Variants in LARS2 observed in about 807,000 individuals in gnomAD.
The protein encoded by LARS2 is leucine--tRNA ligase, mitochondrial.
Under a neutral mutation model 116.6 loss-of-function variants are expected in LARS2, and 81 were observed. The observed-to-expected ratio is 0.69, with a 90% CI of 0.58 to 0.84. The LOEUF (loss-of-function observed/expected upper bound fraction) is 0.84. Ranked by LOEUF, LARS2 falls within the 40% of genes least tolerant of loss-of-function variation. LARS2 has a pLI of 0.00. For missense variants in LARS2, 968 were observed against 1,114.5 expected (o/e 0.87, Z 1.87); for synonymous variants, 396 against 407.2 (o/e 0.97, Z 0.33).
At chr3:45,452,438 T>G (rs1317739864) in intron 7 of LARS2, among the ~76,000 whole-genome samples, 1 of 152,130 alleles carries the variant, frequency 6.6e-6, no homozygotes, top group Non-Finnish European at 1.5e-5. Flanking sequence ...TTTTTTAGCA[T>G]CTATGGAAAT....
At chr3:45,462,220 GC>G (rs1193131249) in intron 8 of LARS2, among the ~76,000 whole-genome samples, 1 of 152,072 alleles carries the variant, frequency 6.6e-6, no homozygotes, top group African/African-American at 2.4e-5. Context: ...AGTTCTCTTG[GC>G]CCTTTCTTCC....
At chr3:45,408,674 T>G (rs1698274722) in intron 4 of LARS2, among the ~76,000 whole-genome samples, 8 of 152,224 alleles carry the variant, frequency 5.3e-5, no homozygotes, top group Admixed American at 4.6e-4. Flanking sequence ...CCAGCCTGTT[T>G]GAGCTTCTGC....
chr3:45,493,759 C>T (rs2125734650), intron 13 of LARS2, among the ~76,000 whole-genome samples: 1 of 152,158 alleles, frequency 6.6e-6, no homozygotes, highest in Middle Eastern at 3.4e-3. Context: ...CTGCTTGCCA[C>T]GTAGCTTCTT....
At position 45,446,886 on chromosome 3, in the gene LARS2, G is replaced by T; in HGVS notation, c.517-5G>T. 1 of 1,581,832 alleles carries T rather than the reference G, an allele frequency of 6.3e-7. No homozygotes were observed. The highest frequency in any genetic ancestry group is 8.7e-7 in the Non-Finnish European group (1 of 1,152,694). On this transcript the variant is annotated splice_region_variant and splice_polypyrimidine_tract_variant and intron_variant, in intron 6 of 21. Coordinates refer to ENST00000645846, the MANE Select transcript of LARS2 (RefSeq NM_015340.4). ...CTGTACATTATTTTTCTTCTTTGTT[G>T]GCAGGAAATAACTACGTGTTTGCCA...
At chr3:45,394,290 C>G in intron 2 of LARS2, 143 bp from the exon 3 acceptor site, 1 of 594,638 alleles carries the variant, frequency 1.7e-6, no homozygotes, top group Non-Finnish European at 3.0e-6. Context: ...AATTGAATTG[C>G]TAAAGTATTC....
chr3:45,417,433 G>A, intron 4 of LARS2, 49 bp from the exon 5 acceptor site: 1 of 1,345,422 alleles, frequency 7.4e-7, no homozygotes, highest in Non-Finnish European at 1.1e-6. Flanking sequence ...CAATACCAAT[G>A]GAGTTATTAA....
At chr3:45,511,300 G>T (rs546663462) in intron 15 of LARS2, among the ~76,000 whole-genome samples, 2 of 152,292 alleles carry the variant, frequency 1.3e-5, no homozygotes, top group South Asian at 4.1e-4. Flanking sequence ...CAGTTCTGGG[G>T]AAAGCCTCCC....
Position 45,431,867 on chromosome 3 carries a change from A to T in LARS2, c.516+12138A>T, listed in dbSNP as rs577754655. Among the ~76,000 whole-genome samples, 26 of 152,342 alleles carry T rather than the reference A, an allele frequency of 1.7e-4. No homozygotes were observed. In the East Asian group the frequency reaches 4.8e-3, roughly 28 times the overall value. ...CTCAAAATCTTCAGTCAAAAGACAG[A>T]TATTGGAAAAATGTATTAAAAAGCA... On this transcript the variant is annotated intron_variant, in intron 6 of 21. Transcript: ENST00000645846.
intron 7 of LARS2, among the ~76,000 whole-genome samples, chr3:45,447,959 A>G (rs2125704812): frequency 6.6e-6 from 1 of 152,308 alleles, no homozygotes; most frequent in Non-Finnish European, 1.5e-5. Flanking sequence ...TAGTATTTAA[A>G]AAGTCAGAGC....
chr3:45,517,240 C>T (rs1317905482), intron 17 of LARS2, among the ~76,000 whole-genome samples: 2 of 152,196 alleles, frequency 1.3e-5, no homozygotes, highest in East Asian at 1.9e-4. Context: ...CCAGAAGGTT[C>T]TGCTGTGCAT....
Position 45,516,241 on chromosome 3 carries a change from C to A in LARS2, c.2009C>A (p.Ala670Asp). 1 of 1,613,914 alleles carries A rather than the reference C, an allele frequency of 6.2e-7. No individual in the cohort carries two copies. Among genetic ancestry groups the A allele is most frequent in the Non-Finnish European group, 8.5e-7 (1 of 1,179,908 alleles). Residue 670 changes from alanine (A) to aspartate (D), a missense_variant, in exon 17 of 22, where the codon GCC becomes GAC. Ala to Asp is a moderately radical substitution (Grantham distance 126). Transcript: ENST00000645846. ...DTIRLYILFA[A>D]PPEKDILWDV... ...ATTCGGCTCTACATCCTTTTTGCTG[C>A]CCCTCCTGAGAAGGATATCTTGTGG...
chr3:45,536,967 G>A (rs1333048541), intron 20 of LARS2, among the ~76,000 whole-genome samples: 2 of 151,898 alleles, frequency 1.3e-5, no homozygotes, highest in Non-Finnish European at 2.9e-5. Context: ...ACAGAGATAG[G>A]GTGTCCTAAC....
intron 20 of LARS2, among the ~76,000 whole-genome samples, chr3:45,538,806 G>A (rs1322685617): frequency 6.6e-6 from 1 of 152,238 alleles, no homozygotes; most frequent in Non-Finnish European, 1.5e-5. Flanking sequence ...GATGGACAGT[G>A]CAAGTCAGAG....
At chr3:45,539,543 A>G (rs1216704151) in intron 20 of LARS2, among the ~76,000 whole-genome samples, 7 of 152,098 alleles carry the variant, frequency 4.6e-5, no homozygotes, top group Admixed American at 2.6e-4. Context: ...AGGCACAAGA[A>G]TCGCTTGAAC....
intron 20 of LARS2, among the ~76,000 whole-genome samples, chr3:45,529,249 T>A (rs1475263591): frequency 6.6e-6 from 1 of 152,148 alleles, no homozygotes; most frequent in East Asian, 1.9e-4. Flanking sequence ...TCAAACTGTT[T>A]ATAGTTATAC....
chr3:45,541,751 G>A (rs1700799323), intron 20 of LARS2, 78 bp from the exon 21 acceptor site: 2 of 1,552,588 alleles, frequency 1.3e-6, no homozygotes, highest in Admixed American at 1.8e-5. Context: ...GCTGTGTTGG[G>A]ATGGAAGCTT....
At chr3:45,415,860 A>AAT (rs1553627795) in intron 4 of LARS2, among the ~76,000 whole-genome samples, 41 of 92,760 alleles carry the variant, frequency 4.4e-4, no homozygotes, top group South Asian at 2.2e-3. Context: ...AAAAAAAAAA[A>AAT]ATATATATAT....
intron 7 of LARS2, among the ~76,000 whole-genome samples, chr3:45,451,891 T>C (rs1312978987): frequency 6.6e-6 from 1 of 152,168 alleles, no homozygotes; most frequent in Non-Finnish European, 1.5e-5. Context: ...CAATGTTTTA[T>C]AGTTTTCCTT....
At chr3:45,518,566 T>A (rs1700406587) in intron 18 of LARS2, among the ~76,000 whole-genome samples, 1 of 152,184 alleles carries the variant, frequency 6.6e-6, no homozygotes, top group Non-Finnish European at 1.5e-5. Flanking sequence ...ACACGGCTAG[T>A]GAGGAACTGA....
Sources: allele counts gnomAD v4.1 joint callset (sites outside exome capture counted in the v4.1 genomes callset), GRCh38; gene constraint gnomAD v4.1.1; transcripts MANE v1.5; gene names NCBI Gene and HGNC (gene_info 2026-07-23, HGNC 2026-07-21).